The following FOXP1 variants were observed in gnomAD, a reference collection of about 807,000 sequenced individuals.
The protein encoded by FOXP1 is forkhead box protein P1.
A neutral mutation model predicts 98.2 loss-of-function variants in FOXP1; 15 were observed. The ratio of observed to expected loss-of-function variants is 0.15; its 90% CI spans 0.10 to 0.24. The LOEUF (loss-of-function observed/expected upper bound fraction) is 0.24. Ranked by LOEUF, FOXP1 falls within the 10% of genes least tolerant of loss-of-function variation. FOXP1 has a pLI of 1.00. For synonymous variants in FOXP1, 371 were observed against 314.5 expected, an observed-to-expected ratio of 1.18 and a Z score of -1.90; for missense variants, 633 against 848.5, an observed-to-expected ratio of 0.75 and a Z score of 3.15.
At chr3:71,285,634 T>C (rs1284817926) in intron 5 of FOXP1, among the ~76,000 whole-genome samples, 1 of 152,184 alleles carries the variant, frequency 6.6e-6, no homozygotes, top group Non-Finnish European at 1.5e-5. Context: ...CGAGAAAGGG[T>C]CATGTACATA....
chr3:71,402,460 A>C (rs73837147), intron 3 of FOXP1, among the ~76,000 whole-genome samples: 1,822 of 152,298 alleles, frequency 0.012, 44 homozygotes, highest in African/African-American at 0.042. Context: ...GTCTCAATCA[A>C]TCAAATCATA....
intron 7 of FOXP1, among the ~76,000 whole-genome samples, chr3:71,059,268 T>C (rs1370278048): frequency 6.6e-6 from 1 of 152,208 alleles, no homozygotes; most frequent in East Asian, 1.9e-4. Flanking sequence ...TCAACCCTAA[T>C]AAGCAATCTC....
In FOXP1 at chr3:71,297,207, C is replaced by T. The variant is rs535808669; in HGVS notation, c.-12+2613G>A. 5.3e-5 allele frequency among the ~76,000 whole-genome samples: 8 copies of T among 152,070 alleles called. No homozygotes were observed. In the East Asian group the frequency reaches 5.8e-4, roughly 11 times the overall value. On this transcript the variant is annotated intron_variant, in intron 5 of 20. Transcript: ENST00000649528. ...TTTTACAAGGGGGGCATTATTTGCA[C>T]GATATTAAATAATCCCATAGATCAT... is the stretch of plus-strand genomic sequence containing the variant.
intron 2 of FOXP1, among the ~76,000 whole-genome samples, chr3:71,546,172 C>T (rs2107642646): frequency 1.3e-5 from 2 of 152,288 alleles, no homozygotes; most frequent in South Asian, 4.1e-4. Context: ...CAGACATTCA[C>T]AAGCCAGCTG....
chr3:71,153,042 G>A (rs541841223), intron 6 of FOXP1, among the ~76,000 whole-genome samples: 1 of 152,322 alleles, frequency 6.6e-6, no homozygotes. Context: ...TCCATCTAAA[G>A]CCAGAATGCT....
chr3:71,384,677 T>C (rs1313283754), intron 3 of FOXP1, among the ~76,000 whole-genome samples: 3 of 152,214 alleles, frequency 2.0e-5, no homozygotes, highest in Non-Finnish European at 2.9e-5. Context: ...TATATTTTCC[T>C]AAAACAATTG....
At chr3:71,053,892 T>A in intron 7 of FOXP1, 119 bp from the exon 8 acceptor site, 5 of 1,020,392 alleles carry the variant, frequency 4.9e-6, no homozygotes, top group Non-Finnish European at 7.5e-6. Flanking sequence ...CCATGCAACA[T>A]GTATTTATCC....
At chr3:71,254,331 A>G (rs908218967) in intron 5 of FOXP1, among the ~76,000 whole-genome samples, 3 of 152,198 alleles carry the variant, frequency 2.0e-5, no homozygotes, top group Non-Finnish European at 4.4e-5. Context: ...ACAGGTAGGT[A>G]GGTTGGGCAC....
Position 70,976,995 on chromosome 3 carries a change from A to G in FOXP1, c.1476T>C (p.Tyr492=). The G allele has an allele frequency of 1.9e-6, 3 of 1,614,200 alleles. No homozygotes were observed. Among genetic ancestry groups the G allele is most frequent in the Non-Finnish European group, 2.5e-6 (3 of 1,180,008 alleles). Residue 492 remains tyrosine (Y), a synonymous_variant, in exon 17 of 21, where the codon TAT becomes TAC. Coordinates refer to ENST00000649528, the MANE Select transcript of FOXP1 (RefSeq NM_001349338.3). ...AAGCAAACATTCGTGTGAACCAGTT[A>G]TAGATCTCATTTAGTGTTAGCTGCT... ...PEKQLTLNEI[Y]NWFTRMFAYF...
At chr3:71,340,723 A>T (rs1424658010) in intron 4 of FOXP1, among the ~76,000 whole-genome samples, 1 of 151,972 alleles carries the variant, frequency 6.6e-6, no homozygotes, top group African/African-American at 2.4e-5. Flanking sequence ...TGCCCACAAT[A>T]AAAAAAATTA....
At chr3:71,481,226 G>A (rs1394946438) in intron 3 of FOXP1, among the ~76,000 whole-genome samples, 1 of 152,140 alleles carries the variant, frequency 6.6e-6, no homozygotes, top group Non-Finnish European at 1.5e-5. Flanking sequence ...TGCTTTATGT[G>A]TGTTAACTCA....
intron 5 of FOXP1, among the ~76,000 whole-genome samples, chr3:71,203,310 C>T (rs963951633): frequency 6.6e-6 from 1 of 152,194 alleles, no homozygotes; most frequent in African/African-American, 2.4e-5. Flanking sequence ...TACAGAGCTA[C>T]TGACTTCAAA....
intron 6 of FOXP1, among the ~76,000 whole-genome samples, chr3:71,115,524 A>C (rs1028936274): frequency 6.6e-5 from 10 of 150,772 alleles, no homozygotes; most frequent in Non-Finnish European, 1.5e-4. Flanking sequence ...TTTAGTAGAG[A>C]CGGGGTTTCA....
intron 2 of FOXP1, among the ~76,000 whole-genome samples, chr3:71,524,916 G>A (rs1004812208): frequency 1.3e-5 from 2 of 152,160 alleles, no homozygotes; most frequent in African/African-American, 4.8e-5. Context: ...GCCCACTTGG[G>A]AGCAATTACT....
intron 3 of FOXP1, among the ~76,000 whole-genome samples, chr3:71,379,608 G>GA (rs36082238): frequency 6.0e-5 from 9 of 149,660 alleles, no homozygotes; most frequent in East Asian, 2.0e-4. Context: ...ATGGTTAGGG[G>GA]AAAAAAAAAA....
chr3:70,979,279 CAAAAAAAAAAAAAAAAAAAAAAAAA>C (rs544916383), intron 14 of FOXP1, among the ~76,000 whole-genome samples: 5 of 42,562 alleles, frequency 1.2e-4, no homozygotes, highest in African/African-American at 3.9e-4. Context: ...GACTCTACCT[CAAAAAAAAAAAAAAAAAAAAAAAAA>C]AAAAAAAAAA....
chr3:71,200,836 G>A (rs1014901622), intron 5 of FOXP1, among the ~76,000 whole-genome samples: 2 of 152,168 alleles, frequency 1.3e-5, no homozygotes, highest in Non-Finnish European at 2.9e-5. Context: ...GATGAAGTCT[G>A]TTTTCTACAG....
intron 6 of FOXP1, among the ~76,000 whole-genome samples, chr3:71,182,835 A>G (rs1176341281): frequency 6.6e-6 from 1 of 151,974 alleles, no homozygotes; most frequent in Non-Finnish European, 1.5e-5. Context: ...ATGAGCCGCC[A>G]TGCCTGGCTT....
intron 14 of FOXP1, among the ~76,000 whole-genome samples, chr3:70,982,694 C>CTT (rs1194761336): frequency 1.4e-5 from 2 of 144,504 alleles, no homozygotes; most frequent in African/African-American, 5.0e-5. Context: ...TGCTTAGTCC[C>CTT]TTTTTTTTTT....
Sources: allele counts gnomAD v4.1 joint callset (sites outside exome capture counted in the v4.1 genomes callset), GRCh38; gene constraint gnomAD v4.1.1; transcripts MANE v1.5; gene names NCBI Gene and HGNC (gene_info 2026-07-23, HGNC 2026-07-21).